The following JMJD1C variants were observed in gnomAD, a reference collection of about 807,000 sequenced individuals.
The protein encoded by JMJD1C is jumonji domain-containing protein 1C.
A neutral mutation model predicts 245.3 loss-of-function variants in JMJD1C; 31 were observed. The observed-to-expected ratio is 0.13, with a 90% CI of 0.09 to 0.17. The LOEUF is 0.17. Among genes scored for constraint, JMJD1C ranks in the 10% least tolerant of loss-of-function variants. JMJD1C has a pLI of 1.00. For missense variants in JMJD1C, 2,691 were observed against 3,000.2 expected, an observed-to-expected ratio of 0.90 and a Z score of 2.41; for synonymous variants, 1,057 against 1,017.4, an observed-to-expected ratio of 1.04 and a Z score of -0.74.
chr10:63,175,160 A>G (rs1842765608), intron 24 of JMJD1C, among the ~76,000 whole-genome samples: 1 of 152,222 alleles, frequency 6.6e-6, no homozygotes, highest in Non-Finnish European at 1.5e-5. Flanking sequence ...TCTCTTAAAT[A>G]GGCTCTTCTT....
chr10:63,193,658 G>GT (rs200409392), intron 14 of JMJD1C, 186 bp from the exon 15 acceptor site: 94 of 442,554 alleles, frequency 2.1e-4, no homozygotes, highest in East Asian at 7.9e-4. Flanking sequence ...CCAAATTTAT[G>GT]TTTTTTTTGT....
chr10:63,340,819 C>G (rs1943304827), intron 2 of JMJD1C, among the ~76,000 whole-genome samples: 1 of 151,992 alleles, frequency 6.6e-6, no homozygotes, highest in South Asian at 2.1e-4. Context: ...GTGGCAGGCA[C>G]CTGAAATCCC....
rs1481322283 is a variant in JMJD1C at position 63,214,142 on chromosome 10, A to G, written c.2025T>C (p.Asn675=). 1.2e-6 allele frequency: 2 copies of G among 1,614,018 alleles called. No homozygotes were observed. The highest frequency in any genetic ancestry group is 1.7e-5 in the Admixed American group (1 of 60,000). Residue 675 remains asparagine (N), a synonymous_variant, in exon 8 of 26, where the codon AAT becomes AAC. Coordinates refer to ENST00000399262, the MANE Select transcript of JMJD1C (RefSeq NM_032776.3). The part of the protein sequence containing the change: ...SQATGERRLA[N]KIEHELSRCS... Reference sequence around the variant, plus strand: ...ATCTTGATAGCTCATGTTCTATCTTATTTGCCAATCTTCTTTCACCAGTAG... The same window carrying G: ...ATCTTGATAGCTCATGTTCTATCTTGTTTGCCAATCTTCTTTCACCAGTAG...
chr10:63,269,084 C>T (rs1312528776), intron 2 of JMJD1C: 2 of 985,266 alleles, frequency 2.0e-6, no homozygotes, highest in East Asian at 1.1e-4. Flanking sequence ...CTCTCGAGGT[C>T]GCTTACATAA....
At chr10:63,239,962 T>C (rs1355126108) in intron 3 of JMJD1C, among the ~76,000 whole-genome samples, 1 of 152,230 alleles carries the variant, frequency 6.6e-6, no homozygotes, top group Non-Finnish European at 1.5e-5. Flanking sequence ...TTATTGATCT[T>C]ACACTGCTTT....
intron 2 of JMJD1C, among the ~76,000 whole-genome samples, chr10:63,331,549 G>A (rs1039674642): frequency 2.0e-5 from 3 of 152,066 alleles, no homozygotes; most frequent in East Asian, 1.9e-4. Flanking sequence ...AAAACTGTTC[G>A]CCTCCATTTG....
At chr10:63,203,842 G>A in intron 10 of JMJD1C, 2 of 980,700 alleles carry the variant, frequency 2.0e-6, no homozygotes, top group Non-Finnish European at 2.4e-6. Flanking sequence ...ACATAGTTTA[G>A]GTGTAAGCCT....
intron 1 of JMJD1C, among the ~76,000 whole-genome samples, chr10:63,398,247 G>A (rs941828761): frequency 6.6e-6 from 1 of 150,754 alleles, no homozygotes; most frequent in Non-Finnish European, 1.5e-5. Flanking sequence ...TTTTTTTCTT[G>A]CTTCCCCAGG....
At chr10:63,374,709 T>C (rs1011403621) in intron 2 of JMJD1C, among the ~76,000 whole-genome samples, 1 of 152,150 alleles carries the variant, frequency 6.6e-6, no homozygotes, top group Non-Finnish European at 1.5e-5. Flanking sequence ...ATTAAGGAAA[T>C]GGGTCATTAT....
intron 2 of JMJD1C, among the ~76,000 whole-genome samples, chr10:63,315,516 T>C (rs1050562614): frequency 6.6e-6 from 1 of 152,146 alleles, no homozygotes; most frequent in Non-Finnish European, 1.5e-5. Flanking sequence ...GAAGTTTTTT[T>C]CTCTTCACTT....
chr10:63,283,245 T>C (rs947448552), intron 2 of JMJD1C, among the ~76,000 whole-genome samples: 1 of 152,250 alleles, frequency 6.6e-6, no homozygotes, highest in Non-Finnish European at 1.5e-5. Context: ...AGATAGCCTA[T>C]AAGCAGTCTG....
intron 2 of JMJD1C, among the ~76,000 whole-genome samples, chr10:63,296,013 A>ATATTTTTTT (rs71025149): frequency 2.4e-5 from 2 of 84,284 alleles, no homozygotes; most frequent in East Asian, 3.5e-4. Flanking sequence ...GTATATATAT[A>ATATTTTTTT]TTTTTTTTTT....
intron 2 of JMJD1C, among the ~76,000 whole-genome samples, chr10:63,376,346 G>C (rs979961107): frequency 6.6e-6 from 1 of 152,132 alleles, no homozygotes; most frequent in Non-Finnish European, 1.5e-5. Flanking sequence ...AAGGGGAAAA[G>C]CTTCATGACA....
At chr10:63,430,282 G>C (rs9415708) in intron 1 of JMJD1C, among the ~76,000 whole-genome samples, 21,068 of 152,134 alleles carry the variant, frequency 0.14, 2,098 homozygotes, top group East Asian at 0.29. Context: ...CATTGAGTTG[G>C]GCAATGGTTT....
intron 1 of JMJD1C, among the ~76,000 whole-genome samples, chr10:63,399,581 C>T (rs1398645138): frequency 6.6e-6 from 1 of 152,072 alleles, no homozygotes; most frequent in Non-Finnish European, 1.5e-5. Context: ...CTTTGTCACA[C>T]AATATATATA....
At chr10:63,213,015 G>A (rs928617831) in intron 8 of JMJD1C, among the ~76,000 whole-genome samples, 2 of 150,758 alleles carry the variant, frequency 1.3e-5, no homozygotes, top group East Asian at 1.9e-4. Flanking sequence ...GTAAAACTCC[G>A]TCTCTACTAA....
intron 2 of JMJD1C, among the ~76,000 whole-genome samples, chr10:63,272,364 G>A (rs1458050456): frequency 2.0e-5 from 3 of 152,070 alleles, no homozygotes; most frequent in Non-Finnish European, 2.9e-5. Flanking sequence ...CAATTCTCCT[G>A]CCTCAGCCTC....
intron 1 of JMJD1C, 113 bp from the exon 2 acceptor site, chr10:63,380,595 C>T: frequency 4.1e-6 from 3 of 725,406 alleles, no homozygotes; most frequent in Non-Finnish European, 6.7e-6. Context: ...TATCGTGATA[C>T]ATGCACACAA....
At chr10:63,180,201 G>A (rs1054308883) in intron 22 of JMJD1C, among the ~76,000 whole-genome samples, 1 of 152,054 alleles carries the variant, frequency 6.6e-6, no homozygotes, top group Non-Finnish European at 1.5e-5. Context: ...CTACAGATGG[G>A]GTTTCACTAT....
Sources: gnomAD v4.1 joint callset for allele counts (sites outside exome capture counted in the v4.1 genomes callset) on GRCh38, gnomAD v4.1.1 for gene constraint, MANE v1.5 for transcripts, NCBI Gene and HGNC (gene_info 2026-07-23, HGNC 2026-07-21) for gene names.